Variants in TNFAIP3 observed in about 807,000 individuals in gnomAD.
The protein encoded by TNFAIP3 is TNF alpha induced protein 3.
Under a neutral mutation model 72.4 loss-of-function variants are expected in TNFAIP3, and 9 were observed. That is an observed-to-expected ratio of 0.12 (90% CI 0.07 to 0.22). The LOEUF (loss-of-function observed/expected upper bound fraction) is 0.22, where lower values mean the gene tolerates loss of function less well. Ranked by LOEUF, TNFAIP3 falls within the 10% of genes least tolerant of loss-of-function variation. The pLI is 1.00. For synonymous variants in TNFAIP3, 339 were observed against 372.6 expected (o/e 0.91, Z 1.04); for missense variants, 833 against 1,018.7 (o/e 0.82, Z 2.48).
intron 1 of TNFAIP3, among the ~76,000 whole-genome samples, chr6:137,868,699 T>TAA (rs5880363): frequency 0.12 from 17,417 of 148,554 alleles, 2,170 homozygotes; most frequent in African/African-American, 0.32. Context: ...TAACAAATGT[T>TAA]AAAAAAAAAA....
rs1324617507 is a variant in TNFAIP3 at position 137,871,317 on chromosome 6, T to A, written c.90T>A (p.Phe30Leu). 6.2e-7 allele frequency: 1 copy of A among 1,614,204 alleles called. No homozygotes were observed. Among genetic ancestry groups the A allele is most frequent in the African/African-American group, 1.3e-5 (1 of 75,046 alleles). ...KIRERTPEDI[F>L]KPTNGIIHHF... is the part of the protein sequence containing the mutation. ...GGGAGAGAACTCCAGAAGACATTTT[T>A]AAACCTACTAATGGGATCATTCATC... The change falls in exon 2 of 9, where the codon TTT becomes TTA. Residue 30 changes from phenylalanine to leucine, a missense_variant. By Grantham distance (22) the Phe-to-Leu change is conservative (BLOSUM62 0). Transcript: ENST00000612899. The surrounding 1 kb of genome is among the most constrained non-coding windows in gnomAD (Gnocchi z 4.2).
chr6:137,871,565 T>G lies in TNFAIP3; in HGVS notation c.295+43T>G, dbSNP rs376206780. ...GTGTTTCTTTTGCCTGGGTGATAGC[T>G]CCCGCCTGCTGGATCCCCATTCATG... On this transcript the variant is annotated intron_variant, in intron 2 of 8. Coordinates refer to ENST00000612899, the MANE Select transcript of TNFAIP3 (RefSeq NM_001270508.2). The surrounding 1 kb of genome is among the most constrained non-coding windows in gnomAD (Gnocchi z 4.2). The G allele has an allele frequency of 2.9e-4, 466 of 1,590,798 alleles. No homozygotes were observed. Among genetic ancestry groups the G allele is most frequent in the Non-Finnish European group, 3.6e-4 (421 of 1,167,612 alleles).
In TNFAIP3 at chr6:137,883,147, G is replaced by C. The variant is rs1776515693; in HGVS notation, c.*1828G>C. On this transcript the variant is annotated 3_prime_UTR_variant, in exon 9 of 9. Coordinates refer to ENST00000612899, the MANE Select transcript of TNFAIP3 (RefSeq NM_001270508.2). The stretch of plus-strand genomic sequence containing the variant: ...TGATCATTATTTCCATTCTTAATGT[G>C]AAAAAAAGTAATTATTTATACTTAT... 4.9e-6 allele frequency: 1 copy of C among 203,340 alleles called. No homozygotes were observed. 12.6% of individuals were successfully genotyped at this position (203,340 alleles called of 1,614,324 possible). A position where few individuals can be genotyped will look rare whatever the true frequency, so the allele number is the denominator to read the frequency against.
At position 137,871,346 on chromosome 6, in the gene TNFAIP3, T is replaced by G. The variant is rs749663550; in HGVS notation, c.119T>G (p.Phe40Cys). ...FKPTNGIIHH[F>C]KTMHRYTLEM... ...CCTACTAATGGGATCATTCATCATT[T>G]TAAAACCATGCACCGATACACACTG... is the stretch of plus-strand genomic sequence containing the variant. Residue 40 changes from phenylalanine (F) to cysteine (C), a missense_variant, in exon 2 of 9, where the codon TTT becomes TGT. This residue lies in a region of TNFAIP3 where 246 missense variants were observed against 360.9 expected (regional missense o/e 0.68). Coordinates refer to ENST00000612899, the MANE Select transcript of TNFAIP3 (RefSeq NM_001270508.2). This position sits in a 1 kb window ranked among gnomAD's most constrained non-coding sequence, Gnocchi z 4.2. The G allele has an allele frequency of 1.9e-6, 3 of 1,614,186 alleles. No homozygotes were observed. Among genetic ancestry groups the G allele is most frequent in the East Asian group, 4.5e-5 (2 of 44,892 alleles).
intron 2 of TNFAIP3, 91 bp from the exon 3 acceptor site, chr6:137,874,754 G>A: frequency 1.6e-6 from 2 of 1,266,714 alleles, no homozygotes; most frequent in South Asian, 3.0e-5. Flanking sequence ...CCCTAGAATA[G>A]CAGTAGGGCT....
intron 6 of TNFAIP3, among the ~76,000 whole-genome samples, chr6:137,878,109 A>C (rs138172764): frequency 6.6e-6 from 1 of 152,258 alleles, no homozygotes; most frequent in Admixed American, 6.5e-5. Context: ...TGGAAAGTCA[A>C]CTGATTTTTC....
chr6:137,879,231 C>T lies in TNFAIP3; in HGVS notation c.1786C>T (p.Arg596Trp), dbSNP rs536079833. Reference sequence around the variant, plus strand: ...TGCTGGCTGCCTGTCTCAAGCTGCACGGACTCCTGGGGACAGGACGGGGAC... The same window carrying T: ...TGCTGGCTGCCTGTCTCAAGCTGCATGGACTCCTGGGGACAGGACGGGGAC... The part of the protein sequence containing the change: ...APAGCLSQAA[R>W]TPGDRTGTSK... The change falls in exon 7 of 9, where the codon CGG becomes TGG. Residue 596 changes from arginine to tryptophan, a missense_variant. Around this residue, in one of 2 missense-constraint regions of TNFAIP3, gnomAD observed 587 missense variants for 657.8 expected, o/e 0.89. Coordinates refer to ENST00000612899, the MANE Select transcript of TNFAIP3 (RefSeq NM_001270508.2). 2.0e-5 allele frequency: 32 copies of T among 1,614,084 alleles called. 1 individual carries two copies. Among genetic ancestry groups the T allele is most frequent in the African/African-American group, 5.3e-5 (4 of 74,916 alleles).
At position 137,876,016 on chromosome 6, in the gene TNFAIP3, G is replaced by A. The variant is rs1776234966; in HGVS notation, c.655G>A (p.Glu219Lys). ...VISDKMLRSL[E>K]SGSNFAPLKV... ...AACAGACAAAATGCTAAGAAGTTTGGAATCAGGTTCCAATTTCGCCCCTTT... is the reference window on the plus strand; with the variant it reads ...AACAGACAAAATGCTAAGAAGTTTGAAATCAGGTTCCAATTTCGCCCCTTT... The change falls in exon 5 of 9, where the codon GAA becomes AAA. Residue 219 changes from glutamate (E) to lysine (K), a missense_variant. Around this residue, in one of 2 missense-constraint regions of TNFAIP3, gnomAD observed 246 missense variants for 360.9 expected, o/e 0.68. Transcript: ENST00000612899. The A allele has an allele frequency of 1.2e-6, 2 of 1,613,298 alleles. No homozygotes were observed. The highest frequency in any genetic ancestry group is 1.7e-6 in the Non-Finnish European group (2 of 1,179,776).
intron 3 of TNFAIP3, 109 bp from the exon 4 acceptor site, chr6:137,875,579 A>T (rs1002015155): frequency 2.2e-6 from 3 of 1,339,274 alleles, no homozygotes; most frequent in Middle Eastern, 3.8e-4. Context: ...AAGGGGAAAA[A>T]ATAAGCTGAG....
In TNFAIP3 at chr6:137,882,218, T is replaced by C. The variant is rs187746434; in HGVS notation, c.*899T>C. On this transcript the variant is annotated 3_prime_UTR_variant, in exon 9 of 9. Transcript: ENST00000612899. ...ATAATAACCTGTTTTCTGGTTGTTGTTGGGGCATGAGCTTGTGTATACACT... is the reference window on the plus strand; with the variant it reads ...ATAATAACCTGTTTTCTGGTTGTTGCTGGGGCATGAGCTTGTGTATACACT... 1 of 232,464 alleles carries C rather than the reference T, an allele frequency of 4.3e-6. No homozygotes were observed. The highest frequency in any genetic ancestry group is 2.2e-5 in the African/African-American group (1 of 45,434). The allele number at this position is 232,464 out of a possible 1,614,324, so 14.4% of individuals were successfully genotyped here. A position where few individuals can be genotyped will look rare whatever the true frequency, so the allele number is the denominator to read the frequency against.
At chr6:137,870,505 G>C (rs1776022549) in intron 1 of TNFAIP3, among the ~76,000 whole-genome samples, 1 of 152,156 alleles carries the variant, frequency 6.6e-6, no homozygotes, top group Non-Finnish European at 1.5e-5. Flanking sequence ...AAATTGCAAA[G>C]CATCTTGCTG....
At chr6:137,876,875 G>A (rs886173185) in intron 5 of TNFAIP3, among the ~76,000 whole-genome samples, 19 of 152,296 alleles carry the variant, frequency 1.2e-4, no homozygotes, top group Non-Finnish European at 2.5e-4. Flanking sequence ...GCTGGTTAAT[G>A]TTATGTGAGT....
intron 6 of TNFAIP3, among the ~76,000 whole-genome samples, chr6:137,877,508 A>G (rs1776292581): frequency 2.0e-5 from 3 of 152,256 alleles, no homozygotes; most frequent in Admixed American, 2.0e-4. Context: ...AAAAGTCAGA[A>G]TTGCAGAATT....
chr6:137,879,185 C>T lies in TNFAIP3; in HGVS notation c.1740C>T (p.His580=). The stretch of plus-strand genomic sequence containing the variant: ...GGAGCCCCTCCCCGCATTCTTGCCA[C>T]AGAGCTGGAAACGACGCCCCTGCTG... The part of the protein sequence containing the change: ...LVRSPSPHSC[H]RAGNDAPAGC... The change falls in exon 7 of 9, where the codon CAC becomes CAT. Residue 580 remains histidine (H), a synonymous_variant. Coordinates refer to ENST00000612899, the MANE Select transcript of TNFAIP3 (RefSeq NM_001270508.2). 1 of 1,614,152 alleles carries T rather than the reference C, an allele frequency of 6.2e-7. No individual in the cohort carries two copies. The highest frequency in any genetic ancestry group is 8.5e-7 in the Non-Finnish European group (1 of 1,180,032).
At chr6:137,877,422 TA>T (rs1432544410) in intron 6 of TNFAIP3, among the ~76,000 whole-genome samples, 166 bp downstream of exon 6, 4 of 152,236 alleles carry the variant, frequency 2.6e-5, no homozygotes, top group Non-Finnish European at 1.5e-5. Context: ...GAGGATTATG[TA>T]AGGCAGTACT....
chr6:137,874,533 C>T (rs1225590215), intron 2 of TNFAIP3, among the ~76,000 whole-genome samples: 1 of 152,160 alleles, frequency 6.6e-6, no homozygotes, highest in Non-Finnish European at 1.5e-5. Flanking sequence ...AGGAAAAATG[C>T]CCAGTGAACT....
At chr6:137,875,083 A>G (rs774882481) in intron 3 of TNFAIP3, 48 bp downstream of exon 3, 2 of 1,607,316 alleles carry the variant, frequency 1.2e-6, no homozygotes, top group East Asian at 2.2e-5. Flanking sequence ...CATGGTGGGC[A>G]TAGGGTACCC....
chr6:137,869,337 AGATGGATGGATGGATG>A (rs71009567), intron 1 of TNFAIP3, among the ~76,000 whole-genome samples: 3 of 145,032 alleles, frequency 2.1e-5, no homozygotes, highest in African/African-American at 7.7e-5. Flanking sequence ...ATGGATGGAT[AGATGGATGGATGGATG>A]GATGGATGGA....
chr6:137,869,661 C>G (rs949727295), intron 1 of TNFAIP3, among the ~76,000 whole-genome samples: 5 of 152,132 alleles, frequency 3.3e-5, no homozygotes, highest in African/African-American at 1.2e-4. Flanking sequence ...GAGTGGGCCA[C>G]AAGAATTATC....
Sources: allele counts gnomAD v4.1 joint callset (sites outside exome capture counted in the v4.1 genomes callset), GRCh38; gene constraint gnomAD v4.1.1; regional missense constraint gnomAD v4.1.1; non-coding constraint Gnocchi (gnomAD v3.1); transcripts MANE v1.5; gene names NCBI Gene and HGNC (gene_info 2026-07-23, HGNC 2026-07-21).